VOPP1: variants seen among roughly 807,000 people sequenced by gnomAD.
VOPP1 encodes the protein WW domain binding protein VOPP1.
A neutral mutation model predicts 23.5 loss-of-function variants in VOPP1; 8 were observed. The observed-to-expected ratio is 0.34, with a 90% CI of 0.20 to 0.61. The LOEUF is 0.61. VOPP1 is among the 20% of genes least tolerant of loss of function. The pLI is 0.78. For synonymous variants in VOPP1, 83 were observed against 97.3 expected (o/e 0.85, Z 0.86); for missense variants, 174 against 238.1 (o/e 0.73, Z 1.77).
At position 55,471,878 on chromosome 7, in the gene VOPP1, A is replaced by T. The variant is rs577344873; in HGVS notation, c.*977T>A. 1 of 152,130 alleles carries T rather than the reference A, an allele frequency of 6.6e-6. No individual in the cohort carries two copies. The highest frequency in any genetic ancestry group is 2.4e-5 in the African/African-American group (1 of 41,454). The allele number at this position is 152,130 out of a possible 1,614,324, so 9.4% of individuals were successfully genotyped here. ...CTGGTCTCTCTCCCTGGAAGAGTCC[A>T]TGTGACTTCCCAGCCAGATGTGCCC... On this transcript the variant is annotated 3_prime_UTR_variant, in exon 5 of 5. Coordinates refer to ENST00000285279, the MANE Select transcript of VOPP1 (RefSeq NM_030796.5).
At chr7:55,538,660 T>C (rs1472449133) in intron 1 of VOPP1, 1 of 1,535,944 alleles carries the variant, frequency 6.5e-7, no homozygotes, top group Non-Finnish European at 8.7e-7. Context: ...CTGAGCATTG[T>C]GTGTAATGAC....
At chr7:55,525,668 C>T (rs966985367) in intron 1 of VOPP1, among the ~76,000 whole-genome samples, 1 of 151,702 alleles carries the variant, frequency 6.6e-6, no homozygotes, top group Non-Finnish European at 1.5e-5. Context: ...ACGTGGTACT[C>T]GATCATCTAG....
intron 2 of VOPP1, among the ~76,000 whole-genome samples, chr7:55,516,727 T>G (rs1043679614): frequency 9.9e-5 from 15 of 152,050 alleles, no homozygotes; most frequent in African/African-American, 3.6e-4. Context: ...AACAGAGGTG[T>G]TGTTTGAAAT....
At chr7:55,545,694 G>A (rs903871379) in intron 1 of VOPP1, among the ~76,000 whole-genome samples, 1 of 152,080 alleles carries the variant, frequency 6.6e-6, no homozygotes, top group South Asian at 2.1e-4. Flanking sequence ...CTGCCTGCTC[G>A]TGCTCTGTGC....
intron 2 of VOPP1, among the ~76,000 whole-genome samples, chr7:55,513,583 G>A (rs1242084500): frequency 6.6e-6 from 1 of 152,154 alleles, no homozygotes; most frequent in Non-Finnish European, 1.5e-5. Context: ...CCCCATCCAT[G>A]TGACAGCCAG....
At chr7:55,537,396 C>G in intron 1 of VOPP1, 1 of 1,467,166 alleles carries the variant, frequency 6.8e-7, no homozygotes, top group Non-Finnish European at 9.2e-7. Context: ...CTCCAGCCTT[C>G]TGGAGGTAAC....
chr7:55,463,736 G>A (rs958080456), intron 4 of VOPP1, among the ~76,000 whole-genome samples: 1 of 152,178 alleles, frequency 6.6e-6, no homozygotes, highest in African/African-American at 2.4e-5. Context: ...TGCTCAGTGG[G>A]TGGGGTGGAT....
At chr7:55,566,134 A>G (rs1798156010) in intron 1 of VOPP1, among the ~76,000 whole-genome samples, 1 of 152,200 alleles carries the variant, frequency 6.6e-6, no homozygotes, top group African/African-American at 2.4e-5. Flanking sequence ...AAAGGTGGCC[A>G]AAGGAGAATG....
At chr7:55,560,501 A>T (rs1422902555) in intron 1 of VOPP1, among the ~76,000 whole-genome samples, 1 of 152,190 alleles carries the variant, frequency 6.6e-6, no homozygotes. Flanking sequence ...ACCACCAGCC[A>T]AGAAACACAG....
intron 1 of VOPP1, chr7:55,571,883 G>T (rs1230514819): frequency 5.5e-6 from 1 of 181,704 alleles, no homozygotes; most frequent in East Asian, 1.4e-4. Context: ...GGCTCTCCGC[G>T]CCTGCGCCGC....
intron 2 of VOPP1, among the ~76,000 whole-genome samples, chr7:55,505,411 T>C (rs1794643832): frequency 6.6e-6 from 1 of 151,808 alleles, no homozygotes; most frequent in African/African-American, 2.4e-5. Context: ...ACGAAGTGAG[T>C]CCTGGCTTAG....
intron 4 of VOPP1, among the ~76,000 whole-genome samples, chr7:55,461,535 A>G (rs1278031585): frequency 6.6e-6 from 1 of 152,072 alleles, no homozygotes; most frequent in Admixed American, 6.5e-5. Context: ...CTCCTGCCTT[A>G]GCCTCCCGAG....
chr7:55,513,714 G>A (rs1005707372), intron 2 of VOPP1, among the ~76,000 whole-genome samples: 5 of 152,124 alleles, frequency 3.3e-5, no homozygotes, highest in Non-Finnish European at 5.9e-5. Context: ...AGGGTTTCCC[G>A]GCATTCTGAG....
At chr7:55,528,377 T>C (rs1796310375) in intron 1 of VOPP1, among the ~76,000 whole-genome samples, 1 of 152,238 alleles carries the variant, frequency 6.6e-6, no homozygotes, top group Non-Finnish European at 1.5e-5. Context: ...AAGTTTCCTG[T>C]ATGGAACCTG....
chr7:55,449,919 T>C (rs1363024478), intron 4 of VOPP1, among the ~76,000 whole-genome samples: 1 of 152,120 alleles, frequency 6.6e-6, no homozygotes, highest in African/African-American at 2.4e-5. Flanking sequence ...CCTGTCACCC[T>C]TGAGGGGAGA....
chr7:55,514,842 G>A (rs1490098534), intron 2 of VOPP1, among the ~76,000 whole-genome samples: 1 of 152,164 alleles, frequency 6.6e-6, no homozygotes, highest in Non-Finnish European at 1.5e-5. Flanking sequence ...GGACAACTTG[G>A]GGCCATCCTC....
At chr7:55,561,380 G>A (rs914373910) in intron 1 of VOPP1, among the ~76,000 whole-genome samples, 3 of 151,894 alleles carry the variant, frequency 2.0e-5, no homozygotes, top group Non-Finnish European at 4.4e-5. Flanking sequence ...AACCCTTCTG[G>A]AACAAACAGG....
chr7:55,509,865 A>C (rs113332439), intron 2 of VOPP1, among the ~76,000 whole-genome samples: 1 of 152,088 alleles, frequency 6.6e-6, no homozygotes, highest in African/African-American at 2.4e-5. Context: ...CTTTACCTCT[A>C]TATCGACTCT....
In VOPP1 at chr7:55,470,690, A is replaced by C. The variant is rs967980795; in HGVS notation, c.*2165T>G. On this transcript the variant is annotated 3_prime_UTR_variant, in exon 5 of 5. Transcript: ENST00000285279. The stretch of plus-strand genomic sequence containing the variant: ...GAGAACAAAAAAGAGAAACGAGCCA[A>C]TTGTTGCAGAGGAAAAGCATGCACA... 2.0e-5 allele frequency: 3 copies of C among 152,292 alleles called. No homozygotes were observed. The highest frequency in any genetic ancestry group is 7.2e-5 in the African/African-American group (3 of 41,456). The allele number at this position is 152,292 out of a possible 1,614,324, so 9.4% of individuals were successfully genotyped here.
Sources: gnomAD v4.1 joint callset for allele counts (sites outside exome capture counted in the v4.1 genomes callset) on GRCh38, gnomAD v4.1.1 for gene constraint, MANE v1.5 for transcripts, NCBI Gene and HGNC (gene_info 2026-07-23, HGNC 2026-07-21) for gene names.